The following IL13RA1 variants were observed in gnomAD, a reference collection of about 807,000 sequenced individuals.
IL13RA1 encodes the protein interleukin 13 receptor subunit alpha 1.
Under a neutral mutation model 33.8 loss-of-function variants are expected in IL13RA1, and 14 were observed. The observed-to-expected ratio is 0.41, with a 90% CI of 0.27 to 0.65. The LOEUF (loss-of-function observed/expected upper bound fraction) is 0.65. Ranked by LOEUF, IL13RA1 falls within the 30% of genes least tolerant of loss-of-function variation. The probability of loss-of-function intolerance (pLI) is 0.28; values close to 1 mark genes in which losing one functional copy is unlikely to be tolerated. For missense variants in IL13RA1, 313 were observed against 327.0 expected (o/e 0.96, Z 0.33); for synonymous variants, 116 against 115.7 (o/e 1.00, Z -0.02).
intron 10 of IL13RA1, among the ~76,000 whole-genome samples, chrX:118,785,644 C>T (rs2017908270): frequency 1.8e-5 from 2 of 111,077 alleles, no homozygotes; most frequent in Non-Finnish European, 3.8e-5. Context: ...GATCTTGGCT[C>T]ACTGCAAACT....
chrX:118,801,053 G>C, the IL13RA1 span, among the ~76,000 whole-genome samples: 1 of 112,356 alleles, frequency 8.9e-6, no homozygotes, highest in Non-Finnish European at 1.9e-5. Context: ...GCCTCCCAAA[G>C]TGCTGAGATT....
At position 118,766,954 on chromosome X, in the gene IL13RA1, T is replaced by C. The variant is rs773460544; in HGVS notation, c.987T>C (p.Asn329=). 24 of 1,129,972 alleles carry C rather than the reference T, an allele frequency of 2.1e-5. No individual in the cohort carries two copies. In the South Asian group the frequency reaches 3.3e-4, roughly 15 times the overall value. The allele number at this position is 1,129,972 out of a possible 1,213,427, so 93.1% of individuals were successfully genotyped here. A position where few individuals can be genotyped will look rare whatever the true frequency, so the allele number is the denominator to read the frequency against. Residue 329 remains asparagine (N), a synonymous_variant, in exon 8 of 11, where the codon AAT becomes AAC. Coordinates refer to ENST00000371666, the MANE Select transcript of IL13RA1 (RefSeq NM_001560.3). ...LCYEDDKLWS[N]WSQEMSIGKK... ...ATGAGGATGACAAACTCTGGAGTAA[T>C]TGGAGCCAAGAAATGAGTATAGGTA...
chrX:118,735,771 C>T (rs1469801309), intron 1 of IL13RA1, among the ~76,000 whole-genome samples: 1 of 111,900 alleles, frequency 8.9e-6, no homozygotes, highest in African/African-American at 3.2e-5. Context: ...TTGTTTCGAA[C>T]TCCTGGACCC....
chrX:118,749,922 A>G (rs2017452151), intron 4 of IL13RA1, 144 bp downstream of exon 4: 2 of 434,411 alleles, frequency 4.6e-6, no homozygotes, highest in Admixed American at 6.9e-5. Context: ...TGAAAAATGC[A>G]TCTGTCTTTG....
At chrX:118,799,014 C>T (rs763812599), downstream of IL13RA1, among the ~76,000 whole-genome samples, 87 of 61,990 alleles carry the variant, frequency 1.4e-3, 1 homozygote, top group African/African-American at 6.1e-3. Flanking sequence ...GCTGGAGTTC[C>T]GGGTGGGCAT....
chrX:118,750,863 G>A (rs1349808530), intron 4 of IL13RA1, among the ~76,000 whole-genome samples: 1 of 111,389 alleles, frequency 9.0e-6, no homozygotes, highest in Non-Finnish European at 1.9e-5. Context: ...CTAGAGTGCA[G>A]TGGTGAGATC....
chrX:118,787,440 C>T lies in IL13RA1; in HGVS notation c.1192-4322C>T, dbSNP rs929280189. Among the ~76,000 whole-genome samples, 15 of 111,303 alleles carry T rather than the reference C, an allele frequency of 1.3e-4. 1 individual carries two copies. The highest frequency in any genetic ancestry group is 4.9e-4 in the African/African-American group (15 of 30,636). ...GCAGGGCAAGGTCACAAGGCCAGGG[C>T]GAAACTAGAATTTCGCCTGGTTCCT... On this transcript the variant is annotated intron_variant, in intron 10 of 10. Transcript: ENST00000371666.
the IL13RA1 span, among the ~76,000 whole-genome samples, chrX:118,804,147 G>A: frequency 9.2e-6 from 1 of 108,185 alleles, no homozygotes; most frequent in Non-Finnish European, 1.9e-5. Flanking sequence ...AGTAGAGACG[G>A]GGTTTCACCG....
intron 5 of IL13RA1, 137 bp from the exon 6 acceptor site, chrX:118,761,001 A>G (rs2017584581): frequency 2.6e-6 from 1 of 380,993 alleles, no homozygotes; most frequent in East Asian, 4.1e-5. Context: ...CACAGATGCT[A>G]TTTTTTAAAA....
chrX:118,800,297 A>C, the IL13RA1 span, among the ~76,000 whole-genome samples: 1 of 107,844 alleles, frequency 9.3e-6, no homozygotes, highest in Non-Finnish European at 1.9e-5. Flanking sequence ...CACTTCTTTC[A>C]CTCTTTGCAA....
chrX:118,766,978 TA>T lies in IL13RA1; in HGVS notation c.1009+4del. 1 of 1,058,175 alleles carries T rather than the reference TA, an allele frequency of 9.5e-7. No individual in the cohort carries two copies. The allele number at this position is 1,058,175 out of a possible 1,213,427, so 87.2% of individuals were successfully genotyped here. ...ATTGGAGCCAAGAAATGAGTATAGG[TA>T]AGAGAACAGAATTTTTATTAAAATT... On this transcript the variant is annotated splice_donor_region_variant and intron_variant, in intron 8 of 10. Transcript: ENST00000371666.
chrX:118,800,408 G>A, the IL13RA1 span, among the ~76,000 whole-genome samples: 1 of 110,594 alleles, frequency 9.0e-6, no homozygotes, highest in East Asian at 2.8e-4. Context: ...GCGAGACCAC[G>A]AGCCCACCGG....
At chrX:118,772,747 G>A (rs1318740936) in intron 8 of IL13RA1, among the ~76,000 whole-genome samples, 1 of 111,712 alleles carries the variant, frequency 9.0e-6, no homozygotes, top group Non-Finnish European at 1.9e-5. Flanking sequence ...CTTTAAAGCA[G>A]CACAAGATCT....
At chrX:118,757,657 A>G (rs2017545696) in intron 4 of IL13RA1, among the ~76,000 whole-genome samples, 1 of 96,444 alleles carries the variant, frequency 1.0e-5, no homozygotes, top group African/African-American at 3.7e-5. Flanking sequence ...TGGACATCTC[A>G]GTCATTAAAA....
chrX:118,753,986 G>A (rs891895596), intron 4 of IL13RA1, among the ~76,000 whole-genome samples: 2 of 112,286 alleles, frequency 1.8e-5, no homozygotes, highest in African/African-American at 6.5e-5. Context: ...GCATAGTCTC[G>A]CCAACCACTT....
intron 10 of IL13RA1, among the ~76,000 whole-genome samples, chrX:118,782,950 AC>A (rs1208412217): frequency 9.0e-6 from 1 of 110,655 alleles, no homozygotes; most frequent in Admixed American, 9.6e-5. Flanking sequence ...GTGGAGATCT[AC>A]AATTCATTTT....
chrX:118,758,151 C>T lies in IL13RA1; in HGVS notation c.585C>T (p.Ser195=), dbSNP rs956577914. The T allele has an allele frequency of 8.8e-7, 1 of 1,134,696 alleles. No individual in the cohort carries two copies. The allele number at this position is 1,134,696 out of a possible 1,213,427, so 93.5% of individuals were successfully genotyped here. ...CSFDLTKVKD[S]SFEQHSVQIM... Reference sequence around the variant, plus strand: ...TTGATCTGACCAAAGTGAAGGATTCCAGTTTTGAACAACACAGTGTCCAAA... The same window carrying T: ...TTGATCTGACCAAAGTGAAGGATTCTAGTTTTGAACAACACAGTGTCCAAA... Residue 195 remains serine, a synonymous_variant, in exon 5 of 11, where the codon TCC becomes TCT. Transcript: ENST00000371666.
At position 118,766,913 on chromosome X, in the gene IL13RA1, A is replaced by G. The variant is rs761873874; in HGVS notation, c.946A>G (p.Thr316Ala). ...GAACACAGTCAGAATAAGAGTCAAAACAAATAAGTTATGCTATGAGGATGA... is the reference window on the plus strand; with the variant it reads ...GAACACAGTCAGAATAAGAGTCAAAGCAAATAAGTTATGCTATGAGGATGA... ...TLNTVRIRVK[T>A]NKLCYEDDKL... Residue 316 changes from threonine to alanine, a missense_variant, in exon 8 of 11, where the codon ACA (threonine) becomes GCA (alanine). Thr to Ala is a moderately conservative substitution (Grantham distance 58, BLOSUM62 0). Transcript: ENST00000371666. 1 of 1,112,305 alleles carries G rather than the reference A, an allele frequency of 9.0e-7. No homozygotes were observed. The highest frequency in any genetic ancestry group is 1.2e-6 in the Non-Finnish European group (1 of 807,171). 91.7% of individuals were successfully genotyped at this position (1,112,305 alleles called of 1,213,427 possible).
chrX:118,781,176 C>T (rs1240631286), intron 10 of IL13RA1, among the ~76,000 whole-genome samples: 2 of 98,201 alleles, frequency 2.0e-5, no homozygotes, highest in Non-Finnish European at 4.1e-5. Flanking sequence ...TGCTTCTCCT[C>T]TCTATCTGCA....
Sources: gnomAD v4.1 joint callset for allele counts (sites outside exome capture counted in the v4.1 genomes callset) on GRCh38, gnomAD v4.1.1 for gene constraint, MANE v1.5 for transcripts, NCBI Gene and HGNC (gene_info 2026-07-23, HGNC 2026-07-21) for gene names.